IL17RB: variants seen among roughly 807,000 people sequenced by gnomAD.
IL17RB encodes the protein interleukin 17 receptor B, also known as interleukin-17 receptor B.
IL17RB carries 36 observed loss-of-function variants against 43.9 expected under a neutral mutation model. The observed-to-expected ratio is 0.82, with a 90% CI of 0.63 to 1.08. The LOEUF (loss-of-function observed/expected upper bound fraction) is 1.08. Among genes scored for constraint, IL17RB ranks in the 50% least tolerant of loss-of-function variants. IL17RB has a pLI of 0.00. For missense variants in IL17RB, 613 were observed against 613.6 expected, an observed-to-expected ratio of 1.00 and a Z score of 0.01; for synonymous variants, 225 against 225.4, an observed-to-expected ratio of 1.00 and a Z score of 0.02.
chr3:53,852,114 C>T lies in IL17RB; in HGVS notation c.342C>T (p.Pro114=). 1.2e-6 allele frequency: 2 copies of T among 1,613,890 alleles called. No individual in the cohort carries two copies. Among genetic ancestry groups the T allele is most frequent in the African/African-American group, 2.7e-5 (2 of 75,014 alleles). The change falls in exon 4 of 11, where the codon CCC becomes CCT. Residue 114 remains proline (P), a synonymous_variant. Transcript: ENST00000288167. ...YTEAFQTQTR[P]SGGKWTFSYI... Reference sequence around the variant, plus strand: ...AGGCCTTCCAGACTCAGACCAGACCCTCTGGTGGTAAAGTAAGCACTTTTT... The same window carrying T: ...AGGCCTTCCAGACTCAGACCAGACCTTCTGGTGGTAAAGTAAGCACTTTTT...
intron 5 of IL17RB, among the ~76,000 whole-genome samples, chr3:53,855,084 TC>T (rs1699283200): frequency 8.2e-6 from 1 of 121,984 alleles, no homozygotes; most frequent in Non-Finnish European, 1.6e-5. Context: ...GCCACTGCAC[TC>T]CAGCCTAGGC....
At chr3:53,860,495 G>A (rs914455946) in intron 10 of IL17RB, 2 of 289,026 alleles carry the variant, frequency 6.9e-6, no homozygotes, top group Admixed American at 4.7e-5. Flanking sequence ...TACTGAAATG[G>A]GCAAAAGATG....
intron 10 of IL17RB, chr3:53,861,186 T>C (rs1282442328): frequency 1.3e-5 from 2 of 152,186 alleles, no homozygotes; most frequent in African/African-American, 4.8e-5. Flanking sequence ...TTTTTCGTGT[T>C]TAGTGCAATA....
intron 8 of IL17RB, 169 bp downstream of exon 8, chr3:53,857,859 C>T (rs1699402720): frequency 1.6e-6 from 1 of 637,224 alleles, no homozygotes; most frequent in African/African-American, 1.8e-5. Context: ...GTGCTGAGGT[C>T]AGGAGGCCGA....
intron 5 of IL17RB, among the ~76,000 whole-genome samples, 199 bp from the exon 6 acceptor site, chr3:53,855,095 C>T (rs1021882286): frequency 8.1e-6 from 1 of 122,748 alleles, no homozygotes; most frequent in East Asian, 2.5e-4. Context: ...CCAGCCTAGG[C>T]GACAGAGCAA....
At chr3:53,857,591 A>G (rs887489434) in intron 7 of IL17RB, 25 bp from the exon 8 acceptor site, 1 of 1,610,296 alleles carries the variant, frequency 6.2e-7, no homozygotes, top group Non-Finnish European at 8.5e-7. Flanking sequence ...GGCACCTCAT[A>G]ATTCTTGACT....
At chr3:53,857,958 G>C (rs992974256) in intron 8 of IL17RB, 1 of 443,862 alleles carries the variant, frequency 2.3e-6, no homozygotes, top group East Asian at 4.0e-5. Context: ...CAGACACTCA[G>C]GGATAGCAGT....
chr3:53,856,742 T>C, intron 6 of IL17RB, 102 bp from the exon 7 acceptor site: 1 of 1,136,694 alleles, frequency 8.8e-7, no homozygotes, highest in Non-Finnish European at 1.3e-6. Context: ...CTCTTGGACA[T>C]TGTTCCTGAG....
At chr3:53,860,705 G>C (rs1019676863) in intron 10 of IL17RB, 1 of 152,042 alleles carries the variant, frequency 6.6e-6, no homozygotes, top group African/African-American at 2.4e-5. Context: ...ATTTTTTGGA[G>C]ATTTGTATCA....
intron 10 of IL17RB, among the ~76,000 whole-genome samples, chr3:53,863,762 G>C (rs1419616302): frequency 6.6e-6 from 1 of 151,830 alleles, no homozygotes; most frequent in African/African-American, 2.4e-5. Flanking sequence ...CAGAGGTCAA[G>C]TGTCCCTGTT....
Position 53,865,409 on chromosome 3 carries a change from A to G in IL17RB, c.*101A>G. 2.3e-6 allele frequency: 2 copies of G among 865,364 alleles called. No individual in the cohort carries two copies. The highest frequency in any genetic ancestry group is 5.3e-5 in the East Asian group (2 of 37,728). The allele number at this position is 865,364 out of a possible 1,614,324, so 53.6% of individuals were successfully genotyped here. On this transcript the variant is annotated 3_prime_UTR_variant, in exon 11 of 11. Transcript: ENST00000288167. ...GAAGCTTACTATGCAGCCTACAAAC[A>G]GCCTTAGTAATTAAAACATTTTATA...
At chr3:53,857,338 T>C (rs1400945255) in intron 7 of IL17RB, among the ~76,000 whole-genome samples, 1 of 152,198 alleles carries the variant, frequency 6.6e-6, no homozygotes, top group Non-Finnish European at 1.5e-5. Context: ...CAGGCTGGAA[T>C]GCAGTGGCAC....
intron 2 of IL17RB, 111 bp from the exon 3 acceptor site, chr3:53,849,544 A>C: frequency 1.1e-6 from 1 of 949,726 alleles, no homozygotes; most frequent in Non-Finnish European, 1.5e-6. Flanking sequence ...AAAAAAAAGA[A>C]GTGAGGAATT....
chr3:53,854,619 C>T (rs990344520), intron 5 of IL17RB, among the ~76,000 whole-genome samples: 1 of 152,322 alleles, frequency 6.6e-6, no homozygotes, highest in East Asian at 1.9e-4. Context: ...CCATGGCACC[C>T]ACATGACACC....
intron 6 of IL17RB, 57 bp from the exon 7 acceptor site, chr3:53,856,787 A>C: frequency 3.2e-6 from 5 of 1,583,574 alleles, no homozygotes; most frequent in Non-Finnish European, 4.3e-6. Flanking sequence ...CCTGTGGGGA[A>C]CTTAAATGAG....
chr3:53,858,727 A>G lies in IL17RB; in HGVS notation c.756A>G (p.Pro252=), dbSNP rs371784047. The G allele has an allele frequency of 1.3e-4, 210 of 1,614,020 alleles. No individual in the cohort carries two copies. The highest frequency in any genetic ancestry group is 1.6e-4 in the Middle Eastern group (1 of 6,084). The change falls in exon 9 of 11, where the codon CCA becomes CCG. Residue 252 remains proline, a synonymous_variant. Coordinates refer to ENST00000288167, the MANE Select transcript of IL17RB (RefSeq NM_018725.4). The part of the protein sequence containing the change: ...DSEGATVQLT[P]YFPTCGSDCI... ...CTCTTGTTTTTCCTCAGCTGACTCC[A>G]TATTTTCCTACTTGTGGCAGCGACT...
chr3:53,853,922 G>T (rs548683636), intron 5 of IL17RB, among the ~76,000 whole-genome samples: 159 of 151,790 alleles, frequency 1.0e-3, no homozygotes, highest in African/African-American at 2.6e-3. Flanking sequence ...TTTAGACGGG[G>T]TTTTGCTCTT....
At chr3:53,848,854 G>T (rs1181495450) in intron 2 of IL17RB, among the ~76,000 whole-genome samples, 166 bp downstream of exon 2, 1 of 152,204 alleles carries the variant, frequency 6.6e-6, no homozygotes, top group African/African-American at 2.4e-5. Context: ...GCAGAACTCT[G>T]GGGCTCTGTG....
intron 10 of IL17RB, among the ~76,000 whole-genome samples, chr3:53,863,571 G>A (rs759223627): frequency 1.1e-4 from 17 of 152,144 alleles, no homozygotes; most frequent in South Asian, 4.1e-4. Flanking sequence ...ACCTGTATTC[G>A]TTACAGTAGT....
Sources: gnomAD v4.1 joint callset for allele counts (sites outside exome capture counted in the v4.1 genomes callset) on GRCh38, gnomAD v4.1.1 for gene constraint, MANE v1.5 for transcripts, NCBI Gene and HGNC (gene_info 2026-07-23, HGNC 2026-07-21) for gene names.